The following ZNRF1 variants were observed in gnomAD, a reference collection of about 807,000 sequenced individuals.
ZNRF1 encodes the protein E3 ubiquitin-protein ligase ZNRF1.
A neutral mutation model predicts 18.4 loss-of-function variants in ZNRF1; 3 were observed. That is an observed-to-expected ratio of 0.16 (90% CI 0.07 to 0.42). ZNRF1 has a LOEUF of 0.42. ZNRF1 is among the 10% of genes least tolerant of loss of function. ZNRF1 has a pLI of 0.99. For synonymous variants in ZNRF1, 157 were observed against 144.2 expected (o/e 1.09, Z -0.64); for missense variants, 310 against 329.8 (o/e 0.94, Z 0.47).
intron 1 of ZNRF1, among the ~76,000 whole-genome samples, chr16:75,090,476 T>A (rs1046492516): frequency 6.6e-6 from 1 of 152,062 alleles, no homozygotes; most frequent in Non-Finnish European, 1.5e-5. Context: ...CCGTGGCCTC[T>A]CAAAATGCTG....
chr16:75,084,918 T>C (rs1278430894), intron 1 of ZNRF1, among the ~76,000 whole-genome samples: 4 of 152,228 alleles, frequency 2.6e-5, no homozygotes, highest in Non-Finnish European at 5.9e-5. Flanking sequence ...AAGTTTAACT[T>C]ATGCATCTTT....
chr16:75,019,656 C>G (rs2035118494), intron 1 of ZNRF1, among the ~76,000 whole-genome samples: 1 of 152,144 alleles, frequency 6.6e-6, no homozygotes, highest in Admixed American at 6.5e-5. Context: ...TTACATCAAG[C>G]TTATCAGTTA....
chr16:75,028,483 T>TG (rs1651812256), intron 1 of ZNRF1, among the ~76,000 whole-genome samples: 1 of 152,198 alleles, frequency 6.6e-6, no homozygotes, highest in Non-Finnish European at 1.5e-5. Context: ...TTAGTAGAGA[T>TG]GGGGTTTCAC....
chr16:75,101,878 C>A (rs1235245488), intron 2 of ZNRF1, among the ~76,000 whole-genome samples: 2 of 152,198 alleles, frequency 1.3e-5, no homozygotes, highest in Non-Finnish European at 2.9e-5. Context: ...GGATCACACC[C>A]ATGTGTTCAT....
chr16:75,022,721 T>A (rs538096809), intron 1 of ZNRF1, among the ~76,000 whole-genome samples: 23 of 152,344 alleles, frequency 1.5e-4, no homozygotes, highest in African/African-American at 5.5e-4. Context: ...ACTGCTGTCA[T>A]TGGAACATTT....
chr16:75,014,912 A>G (rs2035047770), intron 1 of ZNRF1, among the ~76,000 whole-genome samples: 1 of 152,004 alleles, frequency 6.6e-6, no homozygotes, highest in South Asian at 2.1e-4. Context: ...TAATTAATGT[A>G]TTAATATTGT....
intron 1 of ZNRF1, among the ~76,000 whole-genome samples, chr16:75,021,195 C>G (rs541440143): frequency 6.6e-6 from 1 of 152,148 alleles, no homozygotes; most frequent in Non-Finnish European, 1.5e-5. Context: ...TGTGTGCCAC[C>G]ATGCCGGGCT....
At chr16:75,006,826 A>G (rs1211763210) in intron 1 of ZNRF1, among the ~76,000 whole-genome samples, 2 of 152,174 alleles carry the variant, frequency 1.3e-5, no homozygotes, top group African/African-American at 2.4e-5. Context: ...CAGATGGTTC[A>G]TAGTAATTAC....
intron 1 of ZNRF1, among the ~76,000 whole-genome samples, chr16:75,038,260 T>G (rs189333489): frequency 7.9e-5 from 12 of 152,334 alleles, no homozygotes; most frequent in Non-Finnish European, 1.5e-5. Flanking sequence ...GACATTGTAG[T>G]CAGTGACTGG....
At position 75,010,075 on chromosome 16, in the gene ZNRF1, C is replaced by T. The variant is rs576048101; in HGVS notation, c.424+9980C>T. Among the ~76,000 whole-genome samples the T allele has an allele frequency of 2.0e-4, 30 of 152,122 alleles. 1 individual carries two copies. The highest frequency in any genetic ancestry group is 1.2e-3 in the Admixed American group (19 of 15,278). On this transcript the variant is annotated intron_variant, in intron 1 of 4. Transcript: ENST00000335325. Reference sequence around the variant, plus strand: ...TCAGCTCACTACAACCTCTGCCCCCCGGGTTCAAGCGATTCTCCTGCCTCA... The same window carrying T: ...TCAGCTCACTACAACCTCTGCCCCCTGGGTTCAAGCGATTCTCCTGCCTCA...
chr16:75,040,127 C>CT (rs2035425691), intron 1 of ZNRF1, among the ~76,000 whole-genome samples: 1 of 135,690 alleles, frequency 7.4e-6, no homozygotes, highest in African/African-American at 2.7e-5. Context: ...TCACCGCAGC[C>CT]TTGACCTTCT....
chr16:75,019,555 A>G (rs2145334295), intron 1 of ZNRF1, among the ~76,000 whole-genome samples: 1 of 152,224 alleles, frequency 6.6e-6, no homozygotes, highest in Non-Finnish European at 1.5e-5. Flanking sequence ...TTTCATTTGT[A>G]CTTTAGAAGT....
intron 1 of ZNRF1, among the ~76,000 whole-genome samples, chr16:75,034,068 G>A (rs1163165827): frequency 6.6e-6 from 1 of 152,128 alleles, no homozygotes; most frequent in Non-Finnish European, 1.5e-5. Flanking sequence ...TGAGCCAGGA[G>A]AATTGCTTGA....
At chr16:75,063,238 A>G (rs1426596011) in intron 1 of ZNRF1, among the ~76,000 whole-genome samples, 3 of 152,186 alleles carry the variant, frequency 2.0e-5, no homozygotes, top group Non-Finnish European at 4.4e-5. Flanking sequence ...CTGGGCGCTC[A>G]CAGCCGGACT....
Position 75,024,667 on chromosome 16 carries a change from G to A in ZNRF1, c.424+24572G>A, listed in dbSNP as rs140944867. ...GAAGAGGAAGAAGTTACAAAAGAAG[G>A]AAAGCCCTGGAGCAGGTGAGGGAGT... On this transcript the variant is annotated intron_variant, in intron 1 of 4. Coordinates refer to ENST00000335325, the MANE Select transcript of ZNRF1 (RefSeq NM_032268.5). Among the ~76,000 whole-genome samples the A allele has an allele frequency of 3.0e-4, 45 of 152,354 alleles. No individual in the cohort carries two copies. The East Asian group carries it at 7.9e-3, about 27-fold the overall frequency.
chr16:75,081,001 C>T (rs868735556), intron 1 of ZNRF1, among the ~76,000 whole-genome samples: 18 of 152,058 alleles, frequency 1.2e-4, no homozygotes, highest in Admixed American at 2.0e-4. Context: ...GTGAAACTCC[C>T]GTCTCTATTA....
At position 75,100,419 on chromosome 16, in the gene ZNRF1, C is replaced by T. The variant is rs368913589; in HGVS notation, c.521-4365C>T. ...CCCTTCCCTTTCCCCTAGTGAGGTT[C>T]GGTGCAAAAAGAGAGTCAAGTCCAG... On this transcript the variant is annotated intron_variant, in intron 2 of 4. Coordinates refer to ENST00000335325, the MANE Select transcript of ZNRF1 (RefSeq NM_032268.5). Among the ~76,000 whole-genome samples the T allele has an allele frequency of 4.1e-4, 62 of 152,110 alleles. 2 individuals are homozygous for T. The highest frequency in any genetic ancestry group is 1.5e-3 in the African/African-American group (61 of 41,492).
chr16:75,010,463 C>G (rs745826798), intron 1 of ZNRF1, among the ~76,000 whole-genome samples: 4 of 152,012 alleles, frequency 2.6e-5, no homozygotes, highest in Non-Finnish European at 5.9e-5. Context: ...TGTCTCATGC[C>G]AAGAGATTTT....
chr16:75,075,125 C>T (rs1050070120), intron 1 of ZNRF1, among the ~76,000 whole-genome samples: 1 of 152,108 alleles, frequency 6.6e-6, no homozygotes, highest in African/African-American at 2.4e-5. Context: ...AATGGAGAGG[C>T]TCCTCCTACT....
Sources: allele counts gnomAD v4.1 joint callset (sites outside exome capture counted in the v4.1 genomes callset), GRCh38; gene constraint gnomAD v4.1.1; transcripts MANE v1.5; gene names NCBI Gene and HGNC (gene_info 2026-07-23, HGNC 2026-07-21).